The following ZNF500 variants were observed in gnomAD, a reference collection of about 807,000 sequenced individuals.
ZNF500 encodes the protein zinc finger protein with KRAB and SCAN domains 18.
A neutral mutation model predicts 30.1 loss-of-function variants in ZNF500; 31 were observed. That is an observed-to-expected ratio of 1.03 (90% CI 0.77 to 1.39). The LOEUF is 1.39. ZNF500 is among the 40% of genes most tolerant of loss of function. The pLI, the probability that ZNF500 is intolerant of heterozygous loss-of-function variation, is 0.00. For missense variants in ZNF500, 817 were observed against 657.8 expected, an observed-to-expected ratio of 1.24 and a Z score of -2.65; for synonymous variants, 392 against 282.0, an observed-to-expected ratio of 1.39 and a Z score of -3.91.
At chr16:4,763,509 T>C (rs2082230446) in intron 2 of ZNF500, 4 of 979,298 alleles carry the variant, frequency 4.1e-6, no homozygotes, top group African/African-American at 1.7e-5. Context: ...GGTCTTAGAA[T>C]TGAGCTCTGC....
Position 4,765,811 on chromosome 16 carries a change from G to T in ZNF500, c.168C>A (p.Phe56Leu). The T allele has an allele frequency of 6.2e-7, 1 of 1,613,442 alleles. No individual in the cohort carries two copies. Among genetic ancestry groups the T allele is most frequent in the South Asian group, 1.1e-5 (1 of 91,078 alleles). The change falls in exon 2 of 6, where the codon TTC becomes TTA. Residue 56 changes from phenylalanine (F) to leucine (L), a missense_variant. Physicochemically the swap from Phe to Leu is conservative, Grantham distance 22 (BLOSUM62 0). Coordinates refer to ENST00000219478, the MANE Select transcript of ZNF500 (RefSeq NM_021646.4). ...GGGGCCCAGCCACCTCCTGGTAGCA[G>T]AAGAGCCGGAAGAGCTGGCGGAAAG... ...PETFRQLFRL[F>L]CYQEVAGPRE...
At chr16:4,747,781 A>G, downstream of ZNF500, 3 of 924,384 alleles carry the variant, frequency 3.2e-6, no homozygotes. Context: ...CCACCCTGTT[A>G]GAGCTCAGTC....
rs1409835333 is a variant in ZNF500 at position 4,752,559 on chromosome 16, G to A, written c.1260C>T (p.Asn420=). The change falls in exon 6 of 6, where the codon AAC becomes AAT. Residue 420 remains asparagine (N), a synonymous_variant. Transcript: ENST00000219478. ...ACTQCGKRFN[N]SSHFSAHRRT... is the part of the protein sequence containing the mutation. ...GGCGGTGGGCGCTGAAGTGCGAGCT[G>A]TTGTTGAAGCGCTTCCCGCACTGGG... 9 of 1,574,572 alleles carry A rather than the reference G, an allele frequency of 5.7e-6. No homozygotes were observed. The African/African-American group carries it at 9.5e-5, about 17-fold the overall frequency.
chr16:4,760,086 G>A (rs141438243), intron 5 of ZNF500, among the ~76,000 whole-genome samples: 228 of 152,300 alleles, frequency 1.5e-3, no homozygotes, highest in African/African-American at 5.1e-3. Context: ...AGCAGCATCA[G>A]GAAAGGCAGG....
chr16:4,747,804 A>G (rs1196714333), downstream of ZNF500, among the ~76,000 whole-genome samples: 6 of 152,074 alleles, frequency 3.9e-5, no homozygotes, highest in Non-Finnish European at 8.8e-5. Context: ...AGGTGCATGA[A>G]CTTAGAGGAA....
At chr16:4,747,784 G>A, downstream of ZNF500, 3 of 885,588 alleles carry the variant, frequency 3.4e-6, no homozygotes, top group Non-Finnish European at 4.9e-6. Context: ...CCCTGTTAGA[G>A]CTCAGTCACA....
downstream of ZNF500, chr16:4,747,019 G>T (rs762345694): frequency 2.6e-6 from 4 of 1,531,092 alleles, no homozygotes; most frequent in Non-Finnish European, 3.5e-6. Flanking sequence ...TCCTCCCTGG[G>T]GCTACGGTAA....
chr16:4,762,099 G>A (rs544001765), intron 4 of ZNF500, among the ~76,000 whole-genome samples, 172 bp downstream of exon 4: 10 of 152,260 alleles, frequency 6.6e-5, no homozygotes, highest in African/African-American at 2.4e-4. Flanking sequence ...TTCCCAGGAG[G>A]CCAGGGGAAG....
At chr16:4,744,948 C>A (rs2142211097), downstream of ZNF500, 1 of 1,613,922 alleles carries the variant, frequency 6.2e-7, no homozygotes, top group African/African-American at 1.3e-5. Flanking sequence ...AAGGCCTCTG[C>A]TTGTGCCCGG....
At chr16:4,753,848 C>T (rs1456301580) in intron 5 of ZNF500, among the ~76,000 whole-genome samples, 1 of 152,248 alleles carries the variant, frequency 6.6e-6, no homozygotes, top group Non-Finnish European at 1.5e-5. Flanking sequence ...AGAAGCCCTG[C>T]TCTGGGCTGT....
intron 5 of ZNF500, among the ~76,000 whole-genome samples, chr16:4,757,314 A>C (rs1347727930): frequency 6.6e-6 from 1 of 152,050 alleles, no homozygotes; most frequent in Non-Finnish European, 1.5e-5. Context: ...CCAGGTACCA[A>C]CCTAATTTGT....
chr16:4,762,588 A>T lies in ZNF500; in HGVS notation c.583T>A (p.Leu195Met). The change falls in exon 3 of 6, where the codon TTG (leucine) becomes ATG (methionine). Residue 195 changes from leucine to methionine, a missense_variant. Transcript: ENST00000219478. ...LSHRPQRGPLLWPERGPPAPR... is the reference protein window; with the variant it reads ...LSHRPQRGPLMWPERGPPAPR... ...TGCTACTCACCTCTCTCTGGCCACA[A>T]CAGCGGGCCCCTCTGTGGCCTGTGG... 2 of 1,613,054 alleles carry T rather than the reference A, an allele frequency of 1.2e-6. No individual in the cohort carries two copies. The highest frequency in any genetic ancestry group is 1.7e-6 in the Non-Finnish European group (2 of 1,179,570).
rs775707996 is a variant in ZNF500 at position 4,762,700 on chromosome 16, TAAG to T, written c.468_470del (p.Phe156del). The T allele has an allele frequency of 4.6e-5, 75 of 1,614,002 alleles. No individual in the cohort carries two copies. The East Asian group carries it at 1.7e-3, about 36-fold the overall frequency. ...CTGGCTGAGCCTCTGCCTGGTGTTT[TAAG>T]AACTGTCCCCCTATCCCGAGGGGCA... On this transcript the variant is annotated inframe_deletion, in exon 3 of 6. Transcript: ENST00000219478.
chr16:4,760,617 GC>G, intron 4 of ZNF500, 29 bp from the exon 5 acceptor site: 1 of 1,601,140 alleles, frequency 6.2e-7, no homozygotes. Context: ...CTCAGTCCTG[GC>G]CCCAAGCAAG....
Position 4,752,727 on chromosome 16 carries a change from G to C in ZNF500, c.1092C>G (p.Asp364Glu). ...KCLVCGKGFSDRSNFSTHQRV... is the reference protein window; with the variant it reads ...KCLVCGKGFSERSNFSTHQRV... ...TCTGGTGCGTGCTGAAGTTGGAGCG[G>C]TCGCTAAAGCCCTTCCCACAGACTA... The change falls in exon 6 of 6, where the codon GAC becomes GAG. Residue 364 changes from aspartate to glutamate, a missense_variant. By Grantham distance (45) the Asp-to-Glu change is conservative (BLOSUM62 2). Coordinates refer to ENST00000219478, the MANE Select transcript of ZNF500 (RefSeq NM_021646.4). 6.2e-7 allele frequency: 1 copy of C among 1,614,214 alleles called. No individual in the cohort carries two copies. The highest frequency in any genetic ancestry group is 8.5e-7 in the Non-Finnish European group (1 of 1,180,024).
At chr16:4,756,146 C>G (rs959135078) in intron 5 of ZNF500, among the ~76,000 whole-genome samples, 1 of 152,182 alleles carries the variant, frequency 6.6e-6, no homozygotes, top group African/African-American at 2.4e-5. Context: ...GCCTGTAATA[C>G]CAGCACTCTG....
Position 4,762,643 on chromosome 16 carries a change from G to C in ZNF500, c.528C>G (p.Phe176Leu), listed in dbSNP as rs757684399. The change falls in exon 3 of 6, where the codon TTC (phenylalanine) becomes TTG (leucine). Residue 176 changes from phenylalanine to leucine, a missense_variant. Physicochemically the swap from Phe to Leu is conservative, Grantham distance 22. Coordinates refer to ENST00000219478, the MANE Select transcript of ZNF500 (RefSeq NM_021646.4). ...GCTGGGCTGGGGGCTGCTGGCTGGA[G>C]AATCGAGCCTCTTCCTCCAGGGACA... ...EDLSLEEEAR[F>L]SSQQPPAQLS... 2.5e-6 allele frequency: 4 copies of C among 1,614,130 alleles called. No homozygotes were observed. Among genetic ancestry groups the C allele is most frequent in the South Asian group, 2.2e-5 (2 of 91,092 alleles).
intron 2 of ZNF500, among the ~76,000 whole-genome samples, chr16:4,764,550 G>A (rs1297428658): frequency 2.0e-5 from 3 of 151,982 alleles, no homozygotes; most frequent in African/African-American, 7.3e-5. Flanking sequence ...GGGAGGCCAA[G>A]GCAGGTGAAT....
rs1596509200 is a variant in ZNF500, at chr16:4,765,891, C to T, written c.88G>A (p.Asp30Asn). 1.2e-6 allele frequency: 2 copies of T among 1,613,192 alleles called. No homozygotes were observed. The highest frequency in any genetic ancestry group is 2.7e-5 in the African/African-American group (2 of 74,908). Residue 30 changes from aspartate (D) to asparagine (N), a missense_variant, in exon 2 of 6, where the codon GAC becomes AAC. Transcript: ENST00000219478. ...GAGGGCTCCTCTTCCAAGCAGAAGT[C>T]CTCCTCCACCTTCACAATCAGGATC... ...EEILIVKVEEDFCLEEEPSVE... is the reference protein window; with the variant it reads ...EEILIVKVEENFCLEEEPSVE...
Sources: allele counts gnomAD v4.1 joint callset (sites outside exome capture counted in the v4.1 genomes callset), GRCh38; gene constraint gnomAD v4.1.1; transcripts MANE v1.5; gene names NCBI Gene and HGNC (gene_info 2026-07-23, HGNC 2026-07-21).